The following CTNNA3 variants were observed in gnomAD, a reference collection of about 807,000 sequenced individuals.
The protein encoded by CTNNA3 is catenin alpha 3, also known as catenin alpha-3.
Under a neutral mutation model 95.7 loss-of-function variants are expected in CTNNA3, and 76 were observed. The ratio of observed to expected loss-of-function variants is 0.79; its 90% CI spans 0.66 to 0.96. The LOEUF (loss-of-function observed/expected upper bound fraction) is 0.96. CTNNA3 is among the 40% of genes least tolerant of loss of function. The probability of loss-of-function intolerance (pLI) is 0.00; values close to 1 mark genes in which losing one functional copy is unlikely to be tolerated. For missense variants in CTNNA3, 1,191 were observed against 1,089.8 expected (o/e 1.09, Z -1.31); for synonymous variants, 431 against 374.4 (o/e 1.15, Z -1.74).
intron 14 of CTNNA3, among the ~76,000 whole-genome samples, chr10:66,081,899 T>C (rs151089111): frequency 0.027 from 4,081 of 152,054 alleles, 175 homozygotes; most frequent in African/African-American, 0.093. Context: ...GGCGGATCAC[T>C]TGAGGTCAGG....
chr10:66,966,810 T>C (rs943168104), intron 7 of CTNNA3, among the ~76,000 whole-genome samples: 4 of 152,082 alleles, frequency 2.6e-5, no homozygotes, highest in African/African-American at 9.7e-5. Flanking sequence ...TGAATCAGTG[T>C]GCTCTCACAT....
intron 15 of CTNNA3, among the ~76,000 whole-genome samples, chr10:66,020,905 C>T (rs7098171): frequency 0.52 from 79,327 of 151,622 alleles, 20,782 homozygotes; most frequent in Admixed American, 0.58. Context: ...GATCTCCTGA[C>T]CTCATGATCC....
chr10:66,845,703 C>CAAAAAA (rs61085873), intron 7 of CTNNA3, among the ~76,000 whole-genome samples: 474 of 23,474 alleles, frequency 0.02, 17 homozygotes, highest in Middle Eastern at 0.056. Context: ...AACTCTGTCT[C>CAAAAAA]AAAAAAAAAA....
intron 1 of CTNNA3, among the ~76,000 whole-genome samples, chr10:67,762,827 G>C (rs1447320415): frequency 6.6e-6 from 1 of 152,196 alleles, no homozygotes. Flanking sequence ...ACATTGTATA[G>C]AAAAGCACTA....
rs184885000 is a variant in CTNNA3 at position 66,453,703 on chromosome 10, C to T, written c.1531+66914G>A. Among the ~76,000 whole-genome samples, 145 of 152,262 alleles carry T rather than the reference C, an allele frequency of 9.5e-4. 1 individual carries two copies. The highest frequency in any genetic ancestry group is 3.4e-3 in the Middle Eastern group (1 of 294). On this transcript the variant is annotated intron_variant, in intron 11 of 17. Transcript: ENST00000433211. ...CACAGCAAATGCTTTAAAAATTGAA[C>T]TGACATTGGAACCACAGACAATAGG...
chr10:66,017,957 T>C (rs990497276), intron 15 of CTNNA3, among the ~76,000 whole-genome samples: 1 of 152,056 alleles, frequency 6.6e-6, no homozygotes, highest in Non-Finnish European at 1.5e-5. Context: ...GTTATCATAG[T>C]GAGGTATATG....
intron 9 of CTNNA3, among the ~76,000 whole-genome samples, chr10:66,633,769 T>C (rs1308741430): frequency 2.0e-5 from 3 of 152,144 alleles, no homozygotes; most frequent in Non-Finnish European, 4.4e-5. Flanking sequence ...GAGTTATATA[T>C]GGGAGAGAAG....
intron 13 of CTNNA3, among the ~76,000 whole-genome samples, chr10:66,246,859 T>G (rs1404810063): frequency 6.6e-6 from 1 of 151,802 alleles, no homozygotes; most frequent in Non-Finnish European, 1.5e-5. Context: ...AAGACCATCC[T>G]GGCTAACACG....
intron 2 of CTNNA3, among the ~76,000 whole-genome samples, chr10:67,620,425 C>T (rs1298877134): frequency 6.6e-6 from 1 of 152,126 alleles, no homozygotes; most frequent in African/African-American, 2.4e-5. Flanking sequence ...ACACCCTCAA[C>T]CCAATCTCCT....
At chr10:66,295,863 A>G (rs2091769025) in intron 12 of CTNNA3, among the ~76,000 whole-genome samples, 1 of 152,184 alleles carries the variant, frequency 6.6e-6, no homozygotes, top group African/African-American at 2.4e-5. Context: ...AGAAGTGGTA[A>G]TATGGAACAT....
At chr10:67,060,343 A>G (rs548499399) in intron 7 of CTNNA3, among the ~76,000 whole-genome samples, 1 of 152,232 alleles carries the variant, frequency 6.6e-6, no homozygotes, top group African/African-American at 2.4e-5. Context: ...AAATTCTGTA[A>G]ATGTATACAA....
intron 13 of CTNNA3, among the ~76,000 whole-genome samples, chr10:66,168,577 G>A (rs1433940835): frequency 6.6e-6 from 1 of 152,052 alleles, no homozygotes; most frequent in Non-Finnish European, 1.5e-5. Flanking sequence ...ACACTATTCA[G>A]ACCTCAGTGC....
chr10:66,284,513 A>G (rs1227581975), intron 12 of CTNNA3, among the ~76,000 whole-genome samples: 1 of 151,588 alleles, frequency 6.6e-6, no homozygotes, highest in African/African-American at 2.4e-5. Context: ...AATGCAGTTA[A>G]CAGACCTACA....
chr10:66,363,340 G>T (rs1472598513), intron 12 of CTNNA3, among the ~76,000 whole-genome samples: 1 of 152,112 alleles, frequency 6.6e-6, no homozygotes, highest in Non-Finnish European at 1.5e-5. Flanking sequence ...AGGTAATTAG[G>T]TCATAAAGGT....
At chr10:67,084,952 T>G (rs915655203) in intron 7 of CTNNA3, among the ~76,000 whole-genome samples, 1 of 151,970 alleles carries the variant, frequency 6.6e-6, no homozygotes, top group African/African-American at 2.4e-5. Context: ...GTGCCTTGTA[T>G]GTTATAAATA....
chr10:67,551,089 A>C (rs1228044174), intron 3 of CTNNA3, among the ~76,000 whole-genome samples: 1 of 152,070 alleles, frequency 6.6e-6, no homozygotes, highest in African/African-American at 2.4e-5. Context: ...TGCATTTCCC[A>C]GGACTGTCCT....
chr10:67,106,861 A>T (rs1055452553), intron 7 of CTNNA3, among the ~76,000 whole-genome samples: 3 of 152,222 alleles, frequency 2.0e-5, no homozygotes, highest in Non-Finnish European at 4.4e-5. Context: ...AAGGTAAGAA[A>T]ATTTTAGAGA....
At chr10:66,334,425 C>G (rs1449980299) in intron 12 of CTNNA3, among the ~76,000 whole-genome samples, 1 of 151,680 alleles carries the variant, frequency 6.6e-6, no homozygotes, top group Non-Finnish European at 1.5e-5. Flanking sequence ...ACCACCAGGC[C>G]TGGTGGTGAC....
chr10:66,108,765 A>C (rs1169876995), intron 13 of CTNNA3, among the ~76,000 whole-genome samples: 10 of 152,180 alleles, frequency 6.6e-5, no homozygotes, highest in Non-Finnish European at 7.4e-5. Flanking sequence ...AGGAGCAAAC[A>C]ATTTAATTAC....
Sources: allele counts gnomAD v4.1 joint callset (sites outside exome capture counted in the v4.1 genomes callset), GRCh38; gene constraint gnomAD v4.1.1; transcripts MANE v1.5; gene names NCBI Gene and HGNC (gene_info 2026-07-23, HGNC 2026-07-21).